PHLDB2: variants seen among roughly 807,000 people sequenced by gnomAD.
PHLDB2 encodes pleckstrin homology-like domain family B member 2.
In PHLDB2, 71 loss-of-function variants were observed where a neutral mutation model predicts 123.6. The ratio of observed to expected loss-of-function variants is 0.57; its 90% CI spans 0.47 to 0.70. The LOEUF is 0.70. Among genes scored for constraint, PHLDB2 ranks in the 30% least tolerant of loss-of-function variants. The pLI is 0.00. For synonymous variants in PHLDB2, 547 were observed against 541.6 expected, an observed-to-expected ratio of 1.01 and a Z score of -0.14; for missense variants, 1,446 against 1,519.5, an observed-to-expected ratio of 0.95 and a Z score of 0.80.
intron 6 of PHLDB2, 87 bp from the exon 7 acceptor site, chr3:111,939,388 A>G: frequency 7.3e-7 from 1 of 1,362,868 alleles, no homozygotes; most frequent in East Asian, 2.3e-5. Flanking sequence ...GATATCTTGG[A>G]CCAACTGCTT....
chr3:111,892,763 T>A (rs2066574589), intron 2 of PHLDB2, among the ~76,000 whole-genome samples: 1 of 152,314 alleles, frequency 6.6e-6, no homozygotes, highest in East Asian at 1.9e-4. Flanking sequence ...AAGCTACAGG[T>A]CTGAGAGTCT....
intron 1 of PHLDB2, among the ~76,000 whole-genome samples, chr3:111,816,730 G>A (rs1402514366): frequency 6.6e-6 from 1 of 152,192 alleles, no homozygotes; most frequent in Non-Finnish European, 1.5e-5. Context: ...TTGGGGGACT[G>A]TTGGGAATGC....
chr3:111,968,982 C>A (rs2071991140), intron 15 of PHLDB2, among the ~76,000 whole-genome samples: 1 of 152,164 alleles, frequency 6.6e-6, no homozygotes, highest in African/African-American at 2.4e-5. Context: ...CATTTTAGAA[C>A]TATCACCCAT....
rs535660796 is a variant in PHLDB2 at position 111,952,424 on chromosome 3, A to C, written c.2632-148A>C. 6.6e-6 allele frequency: 5 copies of C among 762,942 alleles called. No individual in the cohort carries two copies. In the African/African-American group the frequency reaches 8.9e-5, roughly 14 times the overall value. 47.3% of individuals were successfully genotyped at this position (762,942 alleles called of 1,614,324 possible). A position where few individuals can be genotyped will look rare whatever the true frequency, so the allele number is the denominator to read the frequency against. On this transcript the variant is annotated intron_variant, in intron 10 of 17. Coordinates refer to ENST00000431670, the MANE Select transcript of PHLDB2 (RefSeq NM_001134438.2). ...TCTAATCAAATACTAGCTCAAATCT[A>C]TCAGTGAACACAATATATGTTGAAT...
intron 1 of PHLDB2, among the ~76,000 whole-genome samples, chr3:111,875,732 A>G (rs2065580212): frequency 6.6e-6 from 1 of 151,302 alleles, no homozygotes; most frequent in African/African-American, 2.4e-5. Context: ...CTGAGGCAGG[A>G]GAATCGCTTG....
intron 1 of PHLDB2, among the ~76,000 whole-genome samples, chr3:111,823,675 C>T (rs760249065): frequency 5.9e-5 from 9 of 152,186 alleles, no homozygotes; most frequent in African/African-American, 9.7e-5. Context: ...AAATGACAGA[C>T]AATTGTACAA....
At chr3:111,954,121 G>A (rs2070882420) in intron 12 of PHLDB2, 92 bp downstream of exon 12, 4 of 1,172,056 alleles carry the variant, frequency 3.4e-6, no homozygotes, top group Non-Finnish European at 4.9e-6. Flanking sequence ...GGGATGATTA[G>A]AGGAGGGATC....
In PHLDB2 at chr3:111,925,643, C is replaced by T. The variant is rs2068769536; in HGVS notation, c.2001+5224C>T. 1.3e-5 allele frequency among the ~76,000 whole-genome samples: 2 copies of T among 152,180 alleles called. 1 individual carries two copies. The highest frequency in any genetic ancestry group is 1.3e-4 in the Admixed American group (2 of 15,280). On this transcript the variant is annotated intron_variant, in intron 5 of 17. Transcript: ENST00000431670. ...AGCAAACTGTTTTCATTTAATGGGC[C>T]TGGTGACAGAGTAGGGAAACCGCTA...
At chr3:111,875,740 T>C (rs2065580646) in intron 1 of PHLDB2, among the ~76,000 whole-genome samples, 1 of 151,166 alleles carries the variant, frequency 6.6e-6, no homozygotes, top group Admixed American at 6.6e-5. Context: ...GGAGAATCGC[T>C]TGAACCTTGG....
At chr3:111,966,516 T>TGGGG (rs1290021252) in intron 13 of PHLDB2, 97 bp from the exon 14 acceptor site, 4 of 570,394 alleles carry the variant, frequency 7.0e-6, no homozygotes, top group Middle Eastern at 2.8e-4. Flanking sequence ...TGTGTGTGTG[T>TGGGG]GTGTGTCTGG....
At chr3:111,898,483 A>G (rs2067004602) in intron 2 of PHLDB2, among the ~76,000 whole-genome samples, 1 of 152,124 alleles carries the variant, frequency 6.6e-6, no homozygotes, top group African/African-American at 2.4e-5. Context: ...GCACCCAGCC[A>G]GCAATTTTTT....
intron 1 of PHLDB2, among the ~76,000 whole-genome samples, chr3:111,766,759 G>A (rs1278074383): frequency 6.6e-6 from 1 of 151,900 alleles, no homozygotes; most frequent in Non-Finnish European, 1.5e-5. Context: ...CAGGTTGTGC[G>A]CAGTGGCTCA....
chr3:111,795,428 G>A (rs1576629500), intron 1 of PHLDB2, among the ~76,000 whole-genome samples: 1 of 152,296 alleles, frequency 6.6e-6, no homozygotes, highest in East Asian at 1.9e-4. Context: ...AGCCTGAGCT[G>A]AGGATCTTTC....
chr3:111,903,507 A>G (rs986216350), intron 2 of PHLDB2, among the ~76,000 whole-genome samples: 5 of 152,230 alleles, frequency 3.3e-5, no homozygotes, highest in African/African-American at 1.2e-4. Flanking sequence ...CTAGATAGCC[A>G]AAGAAACCCC....
At chr3:111,896,756 C>CA (rs71625223) in intron 2 of PHLDB2, among the ~76,000 whole-genome samples, 37,296 of 129,840 alleles carry the variant, frequency 0.29, 5,180 homozygotes, top group African/African-American at 0.4. Context: ...ATTGATTTTT[C>CA]AAAAAAAAAA....
chr3:111,930,387 G>C (rs1002056597), intron 5 of PHLDB2, among the ~76,000 whole-genome samples: 1 of 125,262 alleles, frequency 8.0e-6, no homozygotes, highest in African/African-American at 3.0e-5. Flanking sequence ...TTATACATGT[G>C]CTATTAAATT....
chr3:111,881,328 A>C (rs1229429651), intron 1 of PHLDB2, among the ~76,000 whole-genome samples: 1 of 152,238 alleles, frequency 6.6e-6, no homozygotes, highest in Non-Finnish European at 1.5e-5. Flanking sequence ...CACTTCCAGC[A>C]TCACTAGTCG....
At chr3:111,754,038 T>A (rs1044003403) in intron 1 of PHLDB2, among the ~76,000 whole-genome samples, 28 of 152,254 alleles carry the variant, frequency 1.8e-4, no homozygotes, top group Middle Eastern at 3.4e-3. Context: ...TACCATGCTG[T>A]TTTGGTTACT....
In PHLDB2 at chr3:111,845,819, A is replaced by C; in HGVS notation, c.-48-2A>C. On this transcript the variant is annotated splice_acceptor_variant, in intron 1 of 17. Transcript: ENST00000393923. LOFTEE classifies it low-confidence loss of function (5UTR_SPLICE). Reference sequence around the variant, plus strand: ...GTACCTCTCTTTTCTTGCTGTGTGCAGGCTGGCACTGATCCCAGTTTATCC... The same window carrying C: ...GTACCTCTCTTTTCTTGCTGTGTGCCGGCTGGCACTGATCCCAGTTTATCC... 6.2e-7 allele frequency: 1 copy of C among 1,613,300 alleles called. No individual in the cohort carries two copies. The highest frequency in any genetic ancestry group is 8.5e-7 in the Non-Finnish European group (1 of 1,179,540).
Sources: allele counts gnomAD v4.1 joint callset (sites outside exome capture counted in the v4.1 genomes callset), GRCh38; gene constraint gnomAD v4.1.1; transcripts MANE v1.5; gene names NCBI Gene and HGNC (gene_info 2026-07-23, HGNC 2026-07-21).